The following GALNTL6 variants were observed in gnomAD, a reference collection of about 807,000 sequenced individuals.
GALNTL6 encodes polypeptide N-acetylgalactosaminyltransferase like 6.
Under a neutral mutation model 73.7 loss-of-function variants are expected in GALNTL6, and 46 were observed. The observed-to-expected ratio is 0.62, with a 90% CI of 0.49 to 0.80. The LOEUF (loss-of-function observed/expected upper bound fraction) is 0.80, where lower values mean the gene tolerates loss of function less well. Ranked by LOEUF, GALNTL6 falls within the 30% of genes least tolerant of loss-of-function variation. The pLI is 0.00. For synonymous variants in GALNTL6, 259 were observed against 263.7 expected (o/e 0.98, Z 0.17); for missense variants, 604 against 755.0 (o/e 0.80, Z 2.34).
At chr4:172,366,297 T>A (rs1217405772) in intron 5 of GALNTL6, among the ~76,000 whole-genome samples, 2 of 152,214 alleles carry the variant, frequency 1.3e-5, no homozygotes, top group Non-Finnish European at 2.9e-5. Context: ...ATCTGGCAAA[T>A]GTGTATAGAT....
intron 2 of GALNTL6, among the ~76,000 whole-genome samples, chr4:171,856,222 C>T (rs2110870779): frequency 6.6e-6 from 1 of 152,038 alleles, no homozygotes; most frequent in East Asian, 1.9e-4. Context: ...TCCATCTCAG[C>T]CTCCTGAATA....
chr4:172,079,324 C>T (rs1178538224), intron 2 of GALNTL6, among the ~76,000 whole-genome samples: 3 of 151,842 alleles, frequency 2.0e-5, no homozygotes, highest in Non-Finnish European at 4.4e-5. Context: ...TACAGTATTT[C>T]CTGGTGTGGC....
chr4:172,141,794 A>C (rs1733804716), intron 2 of GALNTL6, among the ~76,000 whole-genome samples: 1 of 151,970 alleles, frequency 6.6e-6, no homozygotes, highest in African/African-American at 2.4e-5. Flanking sequence ...AGTTCCCAGC[A>C]AAGAAGTACT....
At chr4:172,637,723 C>T (rs1276204659) in intron 5 of GALNTL6, among the ~76,000 whole-genome samples, 1 of 152,188 alleles carries the variant, frequency 6.6e-6, no homozygotes, top group Non-Finnish European at 1.5e-5. Context: ...AATCAAAAAG[C>T]AAATAACTTA....
intron 4 of GALNTL6, among the ~76,000 whole-genome samples, chr4:172,342,777 CAAATGTTT>C (rs1561036027): frequency 1.3e-5 from 2 of 152,116 alleles, no homozygotes; most frequent in African/African-American, 4.8e-5. Context: ...TGTCATTTGC[CAAATGTTT>C]CTGACTCTAT....
intron 2 of GALNTL6, among the ~76,000 whole-genome samples, chr4:171,908,254 A>T (rs1737356224): frequency 6.6e-6 from 1 of 152,178 alleles, no homozygotes; most frequent in Non-Finnish European, 1.5e-5. Context: ...CATCTGACAA[A>T]GGGCTAATAT....
chr4:172,639,738 T>C (rs1404873904), intron 5 of GALNTL6, among the ~76,000 whole-genome samples: 1 of 152,078 alleles, frequency 6.6e-6, no homozygotes, highest in South Asian at 2.1e-4. Flanking sequence ...AATCAGACTT[T>C]GAACCAGCTC....
intron 5 of GALNTL6, among the ~76,000 whole-genome samples, chr4:172,534,578 T>A (rs1022387117): frequency 1.4e-4 from 10 of 69,568 alleles, no homozygotes; most frequent in African/African-American, 5.6e-4. Context: ...AAATGAGAAA[T>A]TTTTTTTTTT....
At chr4:171,961,553 C>A (rs1739219900) in intron 2 of GALNTL6, among the ~76,000 whole-genome samples, 1 of 151,934 alleles carries the variant, frequency 6.6e-6, no homozygotes, top group African/African-American at 2.4e-5. Context: ...ATAATCAGGC[C>A]AACTATAATA....
intron 10 of GALNTL6, among the ~76,000 whole-genome samples, chr4:172,960,818 G>A (rs1444550065): frequency 6.6e-6 from 1 of 152,180 alleles, no homozygotes; most frequent in Non-Finnish European, 1.5e-5. Flanking sequence ...TCAGGTATGA[G>A]TTGAAGAGGT....
chr4:172,583,547 CTT>C (rs1348240780), intron 5 of GALNTL6, among the ~76,000 whole-genome samples: 2 of 152,110 alleles, frequency 1.3e-5, no homozygotes, highest in East Asian at 3.9e-4. Context: ...AATCATAACT[CTT>C]TCCAAAGTTT....
intron 10 of GALNTL6, among the ~76,000 whole-genome samples, chr4:172,974,132 A>AATTAT (rs1305062502): frequency 6.6e-6 from 1 of 152,248 alleles, no homozygotes; most frequent in Non-Finnish European, 1.5e-5. Flanking sequence ...CAGCTAAAAT[A>AATTAT]ATTATATTGA....
intron 5 of GALNTL6, among the ~76,000 whole-genome samples, chr4:172,430,077 GTA>G (rs780668650): frequency 1.1e-4 from 16 of 150,202 alleles, no homozygotes; most frequent in South Asian, 8.4e-4. Context: ...ATATGTGTGT[GTA>G]TATATATATA....
At chr4:172,442,982 A>C (rs1731885891) in intron 5 of GALNTL6, among the ~76,000 whole-genome samples, 1 of 151,546 alleles carries the variant, frequency 6.6e-6, no homozygotes, top group Non-Finnish European at 1.5e-5. Context: ...GTGACTTTAA[A>C]GTTCTAACTT....
At chr4:171,886,786 A>G (rs1736620301) in intron 2 of GALNTL6, among the ~76,000 whole-genome samples, 1 of 152,226 alleles carries the variant, frequency 6.6e-6, no homozygotes, top group Non-Finnish European at 1.5e-5. Context: ...TATCAGGTAG[A>G]CAAATGTTTC....
At chr4:172,804,362 T>C (rs1196522807) in intron 5 of GALNTL6, among the ~76,000 whole-genome samples, 2 of 152,222 alleles carry the variant, frequency 1.3e-5, no homozygotes, top group Admixed American at 6.5e-5. Context: ...CTAGCGTATA[T>C]TCTACATGAT....
intron 5 of GALNTL6, among the ~76,000 whole-genome samples, chr4:172,720,076 T>A (rs529608003): frequency 6.4e-4 from 97 of 152,268 alleles, no homozygotes; most frequent in African/African-American, 2.2e-3. Context: ...TAGGTCTTTA[T>A]GACCTATATT....
intron 2 of GALNTL6, among the ~76,000 whole-genome samples, chr4:172,122,009 C>A (rs1221473284): frequency 6.6e-6 from 1 of 151,184 alleles, no homozygotes; most frequent in Non-Finnish European, 1.5e-5. Flanking sequence ...TGTATATAGA[C>A]CTCACCTTTC....
At chr4:172,082,495 G>T (rs1731907427) in intron 2 of GALNTL6, among the ~76,000 whole-genome samples, 1 of 152,080 alleles carries the variant, frequency 6.6e-6, no homozygotes, top group African/African-American at 2.4e-5. Flanking sequence ...GAGAGCAAAG[G>T]GATAGAAAAG....
Sources: allele counts gnomAD v4.1 joint callset (sites outside exome capture counted in the v4.1 genomes callset), GRCh38; gene constraint gnomAD v4.1.1; transcripts MANE v1.5; gene names NCBI Gene and HGNC (gene_info 2026-07-23, HGNC 2026-07-21).